The following ZBTB16 variants were observed in gnomAD, a reference collection of about 807,000 sequenced individuals.
ZBTB16 encodes the protein zinc finger and BTB domain containing 16, also known as zinc finger and BTB domain-containing protein 16.
In ZBTB16, 8 loss-of-function variants were observed where a neutral mutation model predicts 56.8. That is an observed-to-expected ratio of 0.14 (90% CI 0.08 to 0.25). ZBTB16 has a LOEUF of 0.25. Ranked by LOEUF, ZBTB16 falls within the 10% of genes least tolerant of loss-of-function variation. The pLI, the probability that ZBTB16 is intolerant of heterozygous loss-of-function variation, is 1.00. For synonymous variants in ZBTB16, 363 were observed against 368.5 expected, an observed-to-expected ratio of 0.98 and a Z score of 0.17; for missense variants, 625 against 903.0, an observed-to-expected ratio of 0.69 and a Z score of 3.95.
intron 2 of ZBTB16, among the ~76,000 whole-genome samples, chr11:114,119,264 CAAAAAAA>C (rs71063549): frequency 1.8e-3 from 105 of 57,238 alleles, no homozygotes; most frequent in African/African-American, 5.3e-3. Flanking sequence ...AACTCTGTCT[CAAAAAAA>C]AAAAAAAAAA....
chr11:114,120,978 G>A (rs75285301), intron 2 of ZBTB16, among the ~76,000 whole-genome samples: 3,274 of 152,198 alleles, frequency 0.022, 110 homozygotes, highest in African/African-American at 0.063. Context: ...CTCTGGAGTC[G>A]GTCTGCATAG....
chr11:114,147,560 T>C (rs1159450043), intron 2 of ZBTB16, among the ~76,000 whole-genome samples: 3 of 152,236 alleles, frequency 2.0e-5, no homozygotes, highest in Non-Finnish European at 4.4e-5. Flanking sequence ...TGGGCTGACA[T>C]CATCAAGCAT....
intron 2 of ZBTB16, among the ~76,000 whole-genome samples, chr11:114,104,830 G>A (rs190002611): frequency 3.9e-4 from 60 of 152,276 alleles, no homozygotes; most frequent in African/African-American, 1.3e-3. Flanking sequence ...CAAAGAGAAC[G>A]GTGGTGTCTC....
chr11:114,215,876 C>A (rs1351145805), intron 4 of ZBTB16, among the ~76,000 whole-genome samples: 1 of 152,130 alleles, frequency 6.6e-6, no homozygotes, highest in East Asian at 1.9e-4. Context: ...TTGGCTGTTC[C>A]CATCTGCAAT....
chr11:114,088,280 T>A (rs375056391), intron 2 of ZBTB16, among the ~76,000 whole-genome samples: 1 of 152,032 alleles, frequency 6.6e-6, no homozygotes, highest in East Asian at 1.9e-4. Context: ...TAGCTGAGAT[T>A]ACAGACATGC....
chr11:114,101,785 A>G (rs1940616237), intron 2 of ZBTB16, among the ~76,000 whole-genome samples: 1 of 152,220 alleles, frequency 6.6e-6, no homozygotes, highest in Admixed American at 6.5e-5. Flanking sequence ...TTTCTTTTTG[A>G]GAGCTGAAGA....
At chr11:114,202,473 C>G (rs933604330) in intron 4 of ZBTB16, among the ~76,000 whole-genome samples, 8 of 152,278 alleles carry the variant, frequency 5.3e-5, no homozygotes, top group Admixed American at 3.3e-4. Flanking sequence ...TCTGTGTGAC[C>G]TGGGCGAGAG....
intron 4 of ZBTB16, among the ~76,000 whole-genome samples, chr11:114,210,225 G>A (rs1481354367): frequency 3.3e-5 from 5 of 150,676 alleles, no homozygotes; most frequent in Admixed American, 6.6e-5. Flanking sequence ...TGTGAGTGTC[G>A]GGTTCCCAAG....
intron 2 of ZBTB16, among the ~76,000 whole-genome samples, chr11:114,134,058 T>C (rs2134870202): frequency 6.6e-6 from 1 of 152,302 alleles, no homozygotes; most frequent in Middle Eastern, 3.4e-3. Flanking sequence ...CAGCTGGTTG[T>C]GTCTCAACAC....
intron 4 of ZBTB16, among the ~76,000 whole-genome samples, chr11:114,200,511 T>C (rs1233410887): frequency 1.3e-5 from 2 of 152,194 alleles, no homozygotes; most frequent in Non-Finnish European, 2.9e-5. Context: ...AAGGGGGGCT[T>C]CACTGTCTGC....
intron 4 of ZBTB16, among the ~76,000 whole-genome samples, chr11:114,233,077 GCGCGCACA>G (rs1348117609): frequency 3.9e-4 from 14 of 35,784 alleles, no homozygotes; most frequent in African/African-American, 9.7e-4. Flanking sequence ...GCGCGCGCGC[GCGCGCACA>G]CACACACACA....
intron 3 of ZBTB16, among the ~76,000 whole-genome samples, chr11:114,184,377 A>C (rs935620450): frequency 6.6e-6 from 1 of 152,222 alleles, no homozygotes; most frequent in Non-Finnish European, 1.5e-5. Flanking sequence ...GAGGTTTTCA[A>C]ATTTCTAGAA....
Position 114,233,080 on chromosome 11 carries a change from C to T in ZBTB16, c.1454-9087C>T, listed in dbSNP as rs1565699858. On this transcript the variant is annotated intron_variant, in intron 4 of 6. Coordinates refer to ENST00000335953, the MANE Select transcript of ZBTB16 (RefSeq NM_006006.6). ...GCACATACGCATGCGCGCGCGCGCG[C>T]GCACACACACACACACACACACACA... is the stretch of plus-strand genomic sequence containing the variant. Among the ~76,000 whole-genome samples the T allele has an allele frequency of 3.2e-3, 163 of 50,202 alleles. 5 individuals carry two copies. Among genetic ancestry groups the T allele is most frequent in the Non-Finnish European group, 5.0e-3 (116 of 23,312 alleles). The allele number at this position is 50,202 out of a possible 152,430, so 32.9% of individuals were successfully genotyped here. A position where few individuals can be genotyped will look rare whatever the true frequency, so the allele number is the denominator to read the frequency against.
chr11:114,185,675 G>T (rs1943345114), intron 3 of ZBTB16, among the ~76,000 whole-genome samples: 2 of 152,152 alleles, frequency 1.3e-5, no homozygotes, highest in Admixed American at 1.3e-4. Context: ...GGGCCTGAAT[G>T]GGGTGGTGAT....
Position 114,225,151 on chromosome 11 carries a change from G to A in ZBTB16, c.1454-17016G>A, listed in dbSNP as rs137882661. 5.8e-3 allele frequency among the ~76,000 whole-genome samples: 886 copies of A among 152,192 alleles called. 8 individuals are homozygous for A. Among genetic ancestry groups the A allele is most frequent in the African/African-American group, 0.02 (847 of 41,486 alleles). Reference sequence around the variant, plus strand: ...GACGACGGGCCTTGAAGTGTGGGCCGAATATGAAAGAAGTAAGGAAAGGAA... The same window carrying A: ...GACGACGGGCCTTGAAGTGTGGGCCAAATATGAAAGAAGTAAGGAAAGGAA... On this transcript the variant is annotated intron_variant, in intron 4 of 6. Transcript: ENST00000335953.
At chr11:114,122,373 G>A (rs1185856715) in intron 2 of ZBTB16, among the ~76,000 whole-genome samples, 1 of 152,208 alleles carries the variant, frequency 6.6e-6, no homozygotes, top group African/African-American at 2.4e-5. Flanking sequence ...CACATTTACT[G>A]TGGGGGTAGG....
chr11:114,174,598 AGT>A (rs756380942), intron 3 of ZBTB16, among the ~76,000 whole-genome samples: 1 of 152,202 alleles, frequency 6.6e-6, no homozygotes, highest in Non-Finnish European at 1.5e-5. Context: ...CTGTCTTTGT[AGT>A]GTGTATGTGT....
At chr11:114,090,774 T>A (rs1180355299) in intron 2 of ZBTB16, among the ~76,000 whole-genome samples, 1 of 152,216 alleles carries the variant, frequency 6.6e-6, no homozygotes, top group Admixed American at 6.5e-5. Flanking sequence ...ACCCATGGGT[T>A]CCCTGCTGCC....
intron 2 of ZBTB16, among the ~76,000 whole-genome samples, chr11:114,112,142 T>G (rs1198124113): frequency 6.6e-6 from 1 of 152,222 alleles, no homozygotes; most frequent in Non-Finnish European, 1.5e-5. Context: ...TTCTTTCGGA[T>G]TTTTGCCTTT....
Sources: gnomAD v4.1 joint callset for allele counts (sites outside exome capture counted in the v4.1 genomes callset) on GRCh38, gnomAD v4.1.1 for gene constraint, MANE v1.5 for transcripts, NCBI Gene and HGNC (gene_info 2026-07-23, HGNC 2026-07-21) for gene names.